MAGI2: variants seen among roughly 807,000 people sequenced by gnomAD.
The protein encoded by MAGI2 is membrane-associated guanylate kinase, WW and PDZ domain-containing protein 2.
A neutral mutation model predicts 133.3 loss-of-function variants in MAGI2; 35 were observed. That is an observed-to-expected ratio of 0.26 (90% CI 0.20 to 0.35). The LOEUF is 0.35. Ranked by LOEUF, MAGI2 falls within the 10% of genes least tolerant of loss-of-function variation. The pLI is 1.00. For synonymous variants in MAGI2, 729 were observed against 710.6 expected, an observed-to-expected ratio of 1.03 and a Z score of -0.41; for missense variants, 1,636 against 1,863.4, an observed-to-expected ratio of 0.88 and a Z score of 2.25.
chr7:79,248,478 A>T (rs1832978376), intron 1 of MAGI2, among the ~76,000 whole-genome samples: 1 of 152,182 alleles, frequency 6.6e-6, no homozygotes, highest in South Asian at 2.1e-4. Context: ...AAATCTAACA[A>T]AGCAATATCA....
intron 2 of MAGI2, chr7:78,947,087 A>T (rs1292145072): frequency 6.6e-6 from 1 of 152,160 alleles, no homozygotes; most frequent in East Asian, 1.9e-4. Context: ...TGACTTTCAA[A>T]TGCTTCCAAA....
intron 2 of MAGI2, among the ~76,000 whole-genome samples, chr7:78,898,621 T>C (rs2151587327): frequency 6.6e-6 from 1 of 151,916 alleles, no homozygotes; most frequent in South Asian, 2.1e-4. Flanking sequence ...CATGGACACA[T>C]AGAGGGGAAC....
rs78831121 is a variant in MAGI2 at position 78,712,882 on chromosome 7, A to G, written c.419-85643T>C. Among the ~76,000 whole-genome samples, 3 of 152,310 alleles carry G rather than the reference A, an allele frequency of 2.0e-5. No homozygotes were observed. In the East Asian group the frequency reaches 5.8e-4, roughly 29 times the overall value. ...CAAGACAAATGGAAAGCAAAAATCA[A>G]TACATTACAAAAAAACTAAATAATT... On this transcript the variant is annotated intron_variant, in intron 2 of 21. Coordinates refer to ENST00000354212, the MANE Select transcript of MAGI2 (RefSeq NM_012301.4).
chr7:79,143,371 T>C (rs774221398), intron 1 of MAGI2, among the ~76,000 whole-genome samples: 4 of 152,206 alleles, frequency 2.6e-5, no homozygotes, highest in African/African-American at 4.8e-5. Context: ...TGTGAAGAGA[T>C]GAAACTATGC....
chr7:78,931,479 C>G (rs1800116938), intron 2 of MAGI2, among the ~76,000 whole-genome samples: 1 of 152,092 alleles, frequency 6.6e-6, no homozygotes, highest in African/African-American at 2.4e-5. Flanking sequence ...ATGTTCTGGA[C>G]AGTGGGACTT....
intron 2 of MAGI2, among the ~76,000 whole-genome samples, chr7:78,671,148 T>C (rs1468157104): frequency 1.3e-5 from 2 of 152,156 alleles, no homozygotes; most frequent in African/African-American, 4.8e-5. Context: ...TTGCTTTCTG[T>C]TATTATTTCC....
At chr7:78,562,351 T>C (rs1160649232) in intron 3 of MAGI2, among the ~76,000 whole-genome samples, 1 of 152,200 alleles carries the variant, frequency 6.6e-6, no homozygotes, top group Non-Finnish European at 1.5e-5. Context: ...CTATACACTG[T>C]AGTAGAAAGG....
At chr7:79,164,175 A>AT (rs956693868) in intron 1 of MAGI2, among the ~76,000 whole-genome samples, 7 of 151,444 alleles carry the variant, frequency 4.6e-5, no homozygotes, top group East Asian at 2.0e-4. Context: ...CTAAGCTCTG[A>AT]TTTTTTTTTA....
In MAGI2 at chr7:78,432,721, C is replaced by T. The variant is rs557446580; in HGVS notation, c.1045+57040G>A. On this transcript the variant is annotated intron_variant, in intron 6 of 21. Coordinates refer to ENST00000354212, the MANE Select transcript of MAGI2 (RefSeq NM_012301.4). ...TCCAATTGTTTCTTGTATAGTTTAT[C>T]GACCTCCTATGAATATTTACTGTAT... Among the ~76,000 whole-genome samples, 500 of 151,878 alleles carry T rather than the reference C, an allele frequency of 3.3e-3. 2 individuals are homozygous for T. The highest frequency in any genetic ancestry group is 5.2e-3 in the Non-Finnish European group (352 of 67,904).
At chr7:79,216,042 G>A (rs1304968569) in intron 1 of MAGI2, among the ~76,000 whole-genome samples, 2 of 151,742 alleles carry the variant, frequency 1.3e-5, no homozygotes, top group South Asian at 2.1e-4. Context: ...CTGTTTTCAC[G>A]CCCAAATGTT....
intron 6 of MAGI2, among the ~76,000 whole-genome samples, chr7:78,422,219 T>C (rs914857180): frequency 1.3e-5 from 2 of 152,092 alleles, no homozygotes; most frequent in African/African-American, 2.4e-5. Context: ...TCACACAGAG[T>C]GCCTATACCT....
chr7:79,124,391 C>T (rs1412037699), intron 1 of MAGI2, among the ~76,000 whole-genome samples: 5 of 152,074 alleles, frequency 3.3e-5, no homozygotes, highest in Non-Finnish European at 7.4e-5. Flanking sequence ...TAAAAGTTAT[C>T]CTCATTTTAT....
chr7:78,328,633 C>T (rs531156709), intron 9 of MAGI2, among the ~76,000 whole-genome samples: 1 of 151,984 alleles, frequency 6.6e-6, no homozygotes, highest in South Asian at 2.1e-4. Context: ...TGAAAGACTC[C>T]TCTGAAAAAA....
chr7:78,622,339 G>T (rs1807835819), intron 3 of MAGI2, among the ~76,000 whole-genome samples: 1 of 152,010 alleles, frequency 6.6e-6, no homozygotes, highest in Admixed American at 6.6e-5. Context: ...TTTCTGGTCT[G>T]ACCTAGAACT....
chr7:78,083,813 A>T (rs1045602640), intron 20 of MAGI2, among the ~76,000 whole-genome samples: 3 of 152,142 alleles, frequency 2.0e-5, no homozygotes, highest in African/African-American at 7.2e-5. Flanking sequence ...TTTTTTGCCT[A>T]TGGAAGGCCA....
intron 9 of MAGI2, among the ~76,000 whole-genome samples, chr7:78,305,255 C>T (rs1798159900): frequency 6.6e-6 from 1 of 152,130 alleles, no homozygotes; most frequent in Non-Finnish European, 1.5e-5. Flanking sequence ...CCCTTCAGGA[C>T]ACTCCAATGC....
In MAGI2 at chr7:78,168,010, G is replaced by A. The variant is rs144611762; in HGVS notation, c.2502C>T (p.Ala834=). Residue 834 remains alanine, a synonymous_variant, in exon 15 of 22, where the codon GCC becomes GCT. Transcript: ENST00000354212. ...CGATGACATAGCGGTGGGTTTTGCC[G>A]GCTACTGGAATCCCATCAACATACA... ...ELVYVDGIPV[A]GKTHRYVIDL... 80 of 1,614,066 alleles carry A rather than the reference G, an allele frequency of 5.0e-5. No individual in the cohort carries two copies. Among genetic ancestry groups the A allele is most frequent in the African/African-American group, 4.1e-4 (31 of 74,992 alleles).
At chr7:78,126,698 G>A (rs1457319190) in intron 19 of MAGI2, among the ~76,000 whole-genome samples, 1 of 152,130 alleles carries the variant, frequency 6.6e-6, no homozygotes, top group African/African-American at 2.4e-5. Context: ...TGTGGCAGGC[G>A]CTACACTCTG....
At chr7:78,560,881 C>T (rs1488445111) in intron 3 of MAGI2, among the ~76,000 whole-genome samples, 1 of 152,156 alleles carries the variant, frequency 6.6e-6, no homozygotes, top group South Asian at 2.1e-4. Context: ...CTAGTAGATG[C>T]AGCTGAGGCA....
Sources: gnomAD v4.1 joint callset for allele counts (sites outside exome capture counted in the v4.1 genomes callset) on GRCh38, gnomAD v4.1.1 for gene constraint, MANE v1.5 for transcripts, NCBI Gene and HGNC (gene_info 2026-07-23, HGNC 2026-07-21) for gene names.